IQCH: variants seen among roughly 807,000 people sequenced by gnomAD.
The protein encoded by IQCH is IQ domain-containing protein H.
IQCH carries 98 observed loss-of-function variants against 117.0 expected under a neutral mutation model. The ratio of observed to expected loss-of-function variants is 0.84; its 90% confidence interval spans 0.71 to 0.99. The LOEUF (loss-of-function observed/expected upper bound fraction) is 0.99. IQCH is among the 50% of genes least tolerant of loss of function. IQCH has a pLI of 0.00. For missense variants in IQCH, 1,102 were observed against 1,243.8 expected (o/e 0.89, Z 1.72); for synonymous variants, 412 against 448.2 (o/e 0.92, Z 1.02).
Position 67,356,598 on chromosome 15 carries a change from G to C in IQCH, c.638-747G>C, listed in dbSNP as rs1969896600. Among the ~76,000 whole-genome samples, 1 of 152,200 alleles carries C rather than the reference G, an allele frequency of 6.6e-6. No homozygotes were observed. ...AAAAGGGGGTTGAGCTGAAGGAATT[G>C]AGCTGAAAGAAGCCTCACTTCTTTT... is the stretch of plus-strand genomic sequence containing the variant. On this transcript the variant is annotated intron_variant, in intron 6 of 20. Transcript: ENST00000335894. The surrounding 1 kb of genome is among the most constrained non-coding windows in gnomAD (Gnocchi z 5.3).
At chr15:67,410,301 G>C (rs2081416511) in intron 14 of IQCH, among the ~76,000 whole-genome samples, 1 of 152,200 alleles carries the variant, frequency 6.6e-6, no homozygotes, top group African/African-American at 2.4e-5. Context: ...TATTATGTCA[G>C]CTAACTAAAA....
rs1313067375 is a variant in IQCH, at chr15:67,442,865, T to TAG, written c.2505+21289_2505+21290insGA. ...ATAGATAGATAGATAGATAGATAGATATACATATATATATATATAAAATAC... is the reference window on the plus strand; with the variant it reads ...ATAGATAGATAGATAGATAGATAGATAGATACATATATATATATATAAAATAC... On this transcript the variant is annotated intron_variant, in intron 16 of 20. Coordinates refer to ENST00000335894, the MANE Select transcript of IQCH (RefSeq NM_001031715.3). 6.8e-3 allele frequency among the ~76,000 whole-genome samples: 874 copies of TAG among 127,822 alleles called. 3 individuals carry two copies. Among genetic ancestry groups the TAG allele is most frequent in the East Asian group, 0.018 (78 of 4,414 alleles). 83.9% of individuals were successfully genotyped at this position (127,822 alleles called of 152,430 possible).
At chr15:67,402,617 A>G (rs1567158812) in intron 14 of IQCH, among the ~76,000 whole-genome samples, 1 of 152,222 alleles carries the variant, frequency 6.6e-6, no homozygotes, top group Admixed American at 6.5e-5. Context: ...AGCCTGGCAC[A>G]TACAAAACAT....
intron 4 of IQCH, among the ~76,000 whole-genome samples, chr15:67,309,572 C>A (rs926807442): frequency 6.6e-6 from 1 of 151,934 alleles, no homozygotes; most frequent in Non-Finnish European, 1.5e-5. Flanking sequence ...TTTGCTGGCT[C>A]CTAGTAGGCC....
chr15:67,363,949 TCTA>T (rs955023204), intron 8 of IQCH, among the ~76,000 whole-genome samples: 1 of 152,216 alleles, frequency 6.6e-6, no homozygotes. Flanking sequence ...CTTTATCCAG[TCTA>T]CTATTGATGG....
chr15:67,324,002 G>T (rs540024792), intron 4 of IQCH, among the ~76,000 whole-genome samples: 1 of 136,972 alleles, frequency 7.3e-6, no homozygotes, highest in South Asian at 2.3e-4. Flanking sequence ...GGAATGCAAT[G>T]GCGTGATCTC....
rs1302028601 is a variant in IQCH at position 67,447,496 on chromosome 15, C to T, written c.2506-17631C>T. ...TATGATAAGCATGTAGTACCTGGGACTCAACCCTCTACCATCACCAAATTA... is the reference window on the plus strand; with the variant it reads ...TATGATAAGCATGTAGTACCTGGGATTCAACCCTCTACCATCACCAAATTA... On this transcript the variant is annotated intron_variant, in intron 16 of 20. Coordinates refer to ENST00000335894, the MANE Select transcript of IQCH (RefSeq NM_001031715.3). This position sits in a 1 kb window ranked among gnomAD's most constrained non-coding sequence, Gnocchi z 5.3. Among the ~76,000 whole-genome samples, 1 of 152,164 alleles carries T rather than the reference C, an allele frequency of 6.6e-6. No individual in the cohort carries two copies. The highest frequency in any genetic ancestry group is 2.4e-5 in the African/African-American group (1 of 41,444).
chr15:67,325,116 G>C (rs1425637685), intron 4 of IQCH, among the ~76,000 whole-genome samples: 1 of 151,734 alleles, frequency 6.6e-6, no homozygotes, highest in East Asian at 1.9e-4. Flanking sequence ...TTTTTTTCTT[G>C]TTATTCGGAT....
intron 12 of IQCH, among the ~76,000 whole-genome samples, chr15:67,394,539 T>C (rs904548722): frequency 5.9e-5 from 9 of 152,138 alleles, no homozygotes; most frequent in Non-Finnish European, 1.2e-4. Flanking sequence ...GAAACATGGT[T>C]GTGTTAGTTT....
In IQCH at chr15:67,400,257, G is replaced by T. The variant is rs900156805; in HGVS notation, c.2049G>T (p.Lys683Asn). 6.2e-7 allele frequency: 1 copy of T among 1,613,772 alleles called. No individual in the cohort carries two copies. Residue 683 changes from lysine (K) to asparagine (N), a missense_variant, in exon 14 of 21, where the codon AAG becomes AAT. Transcript: ENST00000335894. ...SYLKCYKWVL[K>N]ESSRYGLEDW... ...TAAAGTGCTACAAATGGGTGCTAAA[G>T]GAGAGTAGCAGATATGGCCTTGAAG...
At position 67,465,383 on chromosome 15, in the gene IQCH, T is replaced by C; in HGVS notation, c.2676+86T>C. The C allele has an allele frequency of 7.2e-7, 1 of 1,390,884 alleles. No homozygotes were observed. The highest frequency in any genetic ancestry group is 9.9e-7 in the Non-Finnish European group (1 of 1,012,832). The allele number at this position is 1,390,884 out of a possible 1,614,324, so 86.2% of individuals were successfully genotyped here. ...GAGCTCTGTCTAGGAGCCAGGATCT[T>C]TGAGTACAGGAAGAAGAAAGAGCCT... is the stretch of plus-strand genomic sequence containing the variant. On this transcript the variant is annotated intron_variant, in intron 17 of 20. Transcript: ENST00000335894. The surrounding 1 kb of genome is among the most constrained non-coding windows in gnomAD (Gnocchi z 5.9).
rs2141093996 is a variant in IQCH at position 67,491,677 on chromosome 15, T to C, written c.2861+1613T>C. Among the ~76,000 whole-genome samples the C allele has an allele frequency of 6.6e-6, 1 of 152,250 alleles. No individual in the cohort carries two copies. The highest frequency in any genetic ancestry group is 1.9e-4 in the East Asian group (1 of 5,178). ...TAACATCCCAACAAGCTTGCCTTCA[T>C]CTTCTCCACCTAGGCCTTCACATCC... is the stretch of plus-strand genomic sequence containing the variant. On this transcript the variant is annotated intron_variant, in intron 19 of 20. Transcript: ENST00000335894. The surrounding 1 kb of genome is among the most constrained non-coding windows in gnomAD (Gnocchi z 4.9).
chr15:67,347,408 T>C (rs867490497), intron 6 of IQCH, among the ~76,000 whole-genome samples: 1 of 152,234 alleles, frequency 6.6e-6, no homozygotes, highest in Middle Eastern at 3.4e-3. Context: ...ACTTTATGCC[T>C]ATAATGTTGA....
chr15:67,440,071 T>C (rs946552101), intron 16 of IQCH, among the ~76,000 whole-genome samples: 1 of 152,008 alleles, frequency 6.6e-6, no homozygotes, highest in African/African-American at 2.4e-5. Flanking sequence ...CAAAAGATCA[T>C]TGAAGGCTAC....
chr15:67,301,589 T>C (rs1967046155), intron 4 of IQCH, among the ~76,000 whole-genome samples: 2 of 151,864 alleles, frequency 1.3e-5, no homozygotes, highest in South Asian at 4.2e-4. Flanking sequence ...TTTGTATTTT[T>C]AGTAGAGACG....
chr15:67,375,587 G>C (rs972465274), intron 10 of IQCH, among the ~76,000 whole-genome samples: 3 of 152,090 alleles, frequency 2.0e-5, no homozygotes, highest in Non-Finnish European at 2.9e-5. Flanking sequence ...CTTCCCTAAT[G>C]TAGCAATTTT....
In IQCH at chr15:67,494,385, AACGATTCTG is replaced by A. The variant is rs772995309; in HGVS notation, c.2970+20_2970+28del. 6.5e-6 allele frequency: 10 copies of A among 1,533,362 alleles called. No homozygotes were observed. In the African/African-American group the frequency reaches 1.4e-4, roughly 21 times the overall value. 95.0% of individuals were successfully genotyped at this position (1,533,362 alleles called of 1,614,324 possible). A position where few individuals can be genotyped will look rare whatever the true frequency, so the allele number is the denominator to read the frequency against. ...TTTTAAGGTGAGGTGTTAATTAACTAACGATTCTGGTTAATTTCTATACAAGGGCTGAAA... is the reference window on the plus strand; with the variant it reads ...TTTTAAGGTGAGGTGTTAATTAACTAGTTAATTTCTATACAAGGGCTGAAA... On this transcript the variant is annotated intron_variant, in intron 20 of 20. Coordinates refer to ENST00000335894, the MANE Select transcript of IQCH (RefSeq NM_001031715.3). The surrounding 1 kb of genome is among the most constrained non-coding windows in gnomAD (Gnocchi z 5.5).
Position 67,304,410 on chromosome 15 carries a change from G to A in IQCH, c.387+24898G>A, listed in dbSNP as rs541939826. On this transcript the variant is annotated intron_variant, in intron 4 of 20. Transcript: ENST00000335894. Reference sequence around the variant, plus strand: ...TCCACCACAGAGCTGCTGTAAATGCGAACTATGGAATCAGTTTGCCATATA... The same window carrying A: ...TCCACCACAGAGCTGCTGTAAATGCAAACTATGGAATCAGTTTGCCATATA... 1.8e-4 allele frequency: 274 copies of A among 1,533,316 alleles called. 1 individual carries two copies. The East Asian group carries it at 3.2e-3, about 18-fold the overall frequency. The allele number at this position is 1,533,316 out of a possible 1,614,324, so 95.0% of individuals were successfully genotyped here.
intron 4 of IQCH, among the ~76,000 whole-genome samples, chr15:67,291,937 ATGTG>A (rs1031077244): frequency 6.6e-5 from 10 of 152,134 alleles, no homozygotes; most frequent in Admixed American, 6.5e-4. Context: ...TATAGACTGA[ATGTG>A]TGTGTATGTC....
Sources: gnomAD v4.1 joint callset for allele counts (sites outside exome capture counted in the v4.1 genomes callset) on GRCh38, gnomAD v4.1.1 for gene constraint, Gnocchi (gnomAD v3.1) non-coding constraint, MANE v1.5 for transcripts, NCBI Gene and HGNC (gene_info 2026-07-23, HGNC 2026-07-21) for gene names.